PDE4D: variants seen among roughly 807,000 people sequenced by gnomAD.
The protein encoded by PDE4D is 3',5'-cyclic-AMP phosphodiesterase 4D.
A neutral mutation model predicts 87.4 loss-of-function variants in PDE4D; 24 were observed. The observed-to-expected ratio is 0.27, with a 90% CI of 0.20 to 0.39. The LOEUF (loss-of-function observed/expected upper bound fraction) is 0.39. Among genes scored for constraint, PDE4D ranks in the 10% least tolerant of loss-of-function variants. The pLI is 1.00. For synonymous variants in PDE4D, 384 were observed against 383.2 expected, an observed-to-expected ratio of 1.00 and a Z score of -0.02; for missense variants, 714 against 1,041.0, an observed-to-expected ratio of 0.69 and a Z score of 4.32.
chr5:60,355,435 C>T (rs1193994319), intron 1 of PDE4D, among the ~76,000 whole-genome samples: 1 of 152,152 alleles, frequency 6.6e-6, no homozygotes, highest in Non-Finnish European at 1.5e-5. Flanking sequence ...GGATATCAAA[C>T]CATTAGTACC....
At chr5:59,744,491 G>A (rs1003427819) in intron 1 of PDE4D, among the ~76,000 whole-genome samples, 4 of 152,036 alleles carry the variant, frequency 2.6e-5, no homozygotes, top group African/African-American at 9.7e-5. Flanking sequence ...AACTTTCCAG[G>A]TGGCCCTAGT....
intron 3 of PDE4D, among the ~76,000 whole-genome samples, chr5:59,918,907 AC>A (rs966625047): frequency 6.6e-6 from 1 of 152,160 alleles, no homozygotes; most frequent in African/African-American, 2.4e-5. Context: ...ACCCTTGGAA[AC>A]TGTGAGATAG....
chr5:59,857,679 C>A (rs989355798), intron 1 of PDE4D, among the ~76,000 whole-genome samples: 1 of 151,928 alleles, frequency 6.6e-6, no homozygotes, highest in Non-Finnish European at 1.5e-5. Context: ...GAGTTTGATG[C>A]ACCAATAAAT....
intron 1 of PDE4D, chr5:59,587,304 AG>A (rs1825303317): frequency 2.5e-6 from 1 of 397,642 alleles, no homozygotes; most frequent in Non-Finnish European, 3.4e-6. Flanking sequence ...ACGTTGTCTA[AG>A]AATTCTTCCC....
At chr5:59,047,485 G>A (rs911214039) in intron 5 of PDE4D, among the ~76,000 whole-genome samples, 1 of 152,158 alleles carries the variant, frequency 6.6e-6, no homozygotes, top group South Asian at 2.1e-4. Context: ...TTCTAAGTGA[G>A]GAAGTCACAT....
chr5:59,108,007 A>G (rs987699962), intron 5 of PDE4D, among the ~76,000 whole-genome samples: 31 of 152,204 alleles, frequency 2.0e-4, no homozygotes, highest in African/African-American at 7.2e-4. Flanking sequence ...TACTGGAGTG[A>G]CTGCAGCCAT....
At chr5:59,219,990 A>G (rs1752121492) in intron 1 of PDE4D, among the ~76,000 whole-genome samples, 1 of 152,142 alleles carries the variant, frequency 6.6e-6, no homozygotes, top group Non-Finnish European at 1.5e-5. Flanking sequence ...GCTTGGTATT[A>G]AAGAATAGTG....
At chr5:59,434,580 C>T (rs951463458) in intron 1 of PDE4D, among the ~76,000 whole-genome samples, 20 of 152,066 alleles carry the variant, frequency 1.3e-4, no homozygotes, top group Non-Finnish European at 2.5e-4. Flanking sequence ...TGAAAAACTC[C>T]CACCTCTTTA....
intron 1 of PDE4D, among the ~76,000 whole-genome samples, chr5:60,506,637 C>A (rs796359889): frequency 2.1e-4 from 32 of 151,754 alleles, no homozygotes; most frequent in African/African-American, 7.5e-4. Flanking sequence ...GAATGGAAAG[C>A]AAGAGAGGCC....
intron 1 of PDE4D, among the ~76,000 whole-genome samples, chr5:60,468,354 G>A (rs1747551297): frequency 1.3e-5 from 2 of 151,720 alleles, no homozygotes; most frequent in African/African-American, 2.4e-5. Flanking sequence ...GCCCAGGATG[G>A]TCTTGAACTC....
intron 3 of PDE4D, among the ~76,000 whole-genome samples, chr5:59,901,118 T>C (rs1752211708): frequency 6.6e-6 from 1 of 152,154 alleles, no homozygotes; most frequent in East Asian, 1.9e-4. Flanking sequence ...AACTGAAGCT[T>C]ATGGGGACAA....
At chr5:60,351,030 T>C (rs1179533344) in intron 1 of PDE4D, among the ~76,000 whole-genome samples, 1 of 152,192 alleles carries the variant, frequency 6.6e-6, no homozygotes, top group Non-Finnish European at 1.5e-5. Context: ...TCAGGTGCCG[T>C]TGCTGATCTC....
intron 3 of PDE4D, among the ~76,000 whole-genome samples, chr5:59,930,410 A>G (rs768257169): frequency 5.3e-5 from 8 of 152,156 alleles, no homozygotes; most frequent in Non-Finnish European, 7.4e-5. Flanking sequence ...TACTTCCATC[A>G]ACTCAGATTG....
At chr5:59,149,932 G>A (rs930289998) in intron 5 of PDE4D, among the ~76,000 whole-genome samples, 2 of 151,944 alleles carry the variant, frequency 1.3e-5, no homozygotes, top group African/African-American at 2.4e-5. Context: ...TGTTTAAAAT[G>A]CAAATGCAGA....
intron 1 of PDE4D, among the ~76,000 whole-genome samples, chr5:60,217,813 A>C (rs958607346): frequency 6.6e-6 from 1 of 151,940 alleles, no homozygotes; most frequent in African/African-American, 2.4e-5. Context: ...TATTATTATT[A>C]ATTAGAGAAA....
chr5:59,375,848 T>C (rs1784628667), intron 1 of PDE4D, among the ~76,000 whole-genome samples: 1 of 152,200 alleles, frequency 6.6e-6, no homozygotes, highest in Admixed American at 6.5e-5. Context: ...CACAATCAAG[T>C]AGGCTTCATC....
At position 58,973,510 on chromosome 5, in the gene PDE4D, T is replaced by C. The variant is rs1204183427; in HGVS notation, c.*1154A>G. ...ATTAGAAAGACATGCACTTGTGAAA[T>C]GAACATCTAGTGACACAGCAAAACG... On this transcript the variant is annotated 3_prime_UTR_variant, in exon 15 of 15. Coordinates refer to ENST00000340635, the MANE Select transcript of PDE4D (RefSeq NM_001104631.2). 2 of 152,580 alleles carry C rather than the reference T, an allele frequency of 1.3e-5. No individual in the cohort carries two copies. Among genetic ancestry groups the C allele is most frequent in the East Asian group, 1.9e-4 (1 of 5,194 alleles). 9.5% of individuals were successfully genotyped at this position (152,580 alleles called of 1,614,324 possible).
At chr5:60,373,630 A>C (rs1001822850) in intron 1 of PDE4D, among the ~76,000 whole-genome samples, 5 of 152,208 alleles carry the variant, frequency 3.3e-5, no homozygotes, top group African/African-American at 1.2e-4. Flanking sequence ...TATTGTAACT[A>C]CCTAATGGAA....
chr5:59,368,754 T>C (rs1328966358), intron 1 of PDE4D, among the ~76,000 whole-genome samples: 1 of 152,182 alleles, frequency 6.6e-6, no homozygotes, highest in Non-Finnish European at 1.5e-5. Context: ...GTTGAACAAT[T>C]GATTGGGAAG....
Sources: allele counts gnomAD v4.1 joint callset (sites outside exome capture counted in the v4.1 genomes callset), GRCh38; gene constraint gnomAD v4.1.1; transcripts MANE v1.5; gene names NCBI Gene and HGNC (gene_info 2026-07-23, HGNC 2026-07-21).